Variants in VIPR2 observed in about 807,000 individuals in gnomAD.
The protein encoded by VIPR2 is vasoactive intestinal polypeptide receptor 2.
In VIPR2, 48 loss-of-function variants were observed where a neutral mutation model predicts 58.0. The ratio of observed to expected loss-of-function variants is 0.83; its 90% CI spans 0.66 to 1.05. The LOEUF (loss-of-function observed/expected upper bound fraction) is 1.05. VIPR2 is among the 50% of genes least tolerant of loss of function. The pLI is 0.00. For missense variants in VIPR2, 534 were observed against 558.0 expected (o/e 0.96, Z 0.43); for synonymous variants, 243 against 235.2 (o/e 1.03, Z -0.30).
chr7:159,125,443 T>C (rs1350012475), intron 2 of VIPR2, among the ~76,000 whole-genome samples: 2 of 152,198 alleles, frequency 1.3e-5, no homozygotes, highest in African/African-American at 4.8e-5. Flanking sequence ...ACTGGACCAG[T>C]GGGTGCCCAG....
At position 159,140,207 on chromosome 7, in the gene VIPR2, T is replaced by C. The variant is rs1169089041; in HGVS notation, c.151+2239A>G. On this transcript the variant is annotated intron_variant, in intron 2 of 12. Transcript: ENST00000262178. ...CATTTCTGGCACTCTTTCACACAAA[T>C]TTCTTAATCGTATGGATTTAAAAGT... Among the ~76,000 whole-genome samples, 3 of 152,180 alleles carry C rather than the reference T, an allele frequency of 2.0e-5. No homozygotes were observed. The East Asian group carries it at 5.8e-4, about 29-fold the overall frequency.
At chr7:159,036,314 C>T (rs148503912) in intron 7 of VIPR2, among the ~76,000 whole-genome samples, 61 of 152,188 alleles carry the variant, frequency 4.0e-4, no homozygotes, top group South Asian at 1.0e-3. Flanking sequence ...CTGATTTTTG[C>T]GACCACCCAC....
At chr7:159,060,951 C>T (rs1855611257) in intron 4 of VIPR2, among the ~76,000 whole-genome samples, 1 of 152,188 alleles carries the variant, frequency 6.6e-6, no homozygotes, top group African/African-American at 2.4e-5. Flanking sequence ...CCATCAACAG[C>T]CCTATTCACA....
At chr7:159,047,209 G>A (rs115897256) in intron 5 of VIPR2, among the ~76,000 whole-genome samples, 2 of 152,138 alleles carry the variant, frequency 1.3e-5, no homozygotes, top group African/African-American at 2.4e-5. Flanking sequence ...GTGCCATTAC[G>A]CTCCAGGCTG....
intron 1 of VIPR2, chr7:159,144,423 TCGTTGACGCGTCCAGGAAGAAACGATCC>T (rs1797606164): frequency 1.3e-6 from 2 of 1,546,976 alleles, no homozygotes; most frequent in Admixed American, 2.0e-5. Context: ...AACGAGCTCA[TCGTTGACGCGTCCAGGAAGAAACGATCC>T]CGTTTCCAGC....
chr7:159,131,656 T>C (rs147064176), intron 2 of VIPR2, among the ~76,000 whole-genome samples: 1 of 152,316 alleles, frequency 6.6e-6, no homozygotes, highest in East Asian at 1.9e-4. Context: ...GTGACTCACA[T>C]TTTTTCTGAA....
At chr7:159,144,097 G>A (rs1224476537) in intron 1 of VIPR2, among the ~76,000 whole-genome samples, 3 of 152,232 alleles carry the variant, frequency 2.0e-5, no homozygotes, top group South Asian at 2.1e-4. Context: ...CAAGAAACAA[G>A]GCTCGGGTTT....
intron 2 of VIPR2, among the ~76,000 whole-genome samples, chr7:159,111,513 C>G (rs1271733194): frequency 6.6e-6 from 1 of 151,858 alleles, no homozygotes; most frequent in Non-Finnish European, 1.5e-5. Context: ...AACCCCGTCT[C>G]TACTAAAAAT....
At position 159,097,017 on chromosome 7, in the gene VIPR2, T is replaced by G; in HGVS notation, c.357+6740A>C. On this transcript the variant is annotated intron_variant, in intron 4 of 12. Coordinates refer to ENST00000262178, the MANE Select transcript of VIPR2 (RefSeq NM_003382.5). This position sits in a 1 kb window ranked among gnomAD's most constrained non-coding sequence, Gnocchi z 5.3. ...TCAGAAAAGCTGCTGCTCTCAGAGG[T>G]GATTTGGGGCAGGCCGCTCTGGGGG... 1 of 1,550,000 alleles carries G rather than the reference T, an allele frequency of 6.5e-7. No homozygotes were observed. The highest frequency in any genetic ancestry group is 8.7e-7 in the Non-Finnish European group (1 of 1,146,694).
chr7:159,096,379 G>T lies in VIPR2; in HGVS notation c.357+7378C>A, dbSNP rs1007534293. On this transcript the variant is annotated intron_variant, in intron 4 of 12. Transcript: ENST00000262178. This position sits in a 1 kb window ranked among gnomAD's most constrained non-coding sequence, Gnocchi z 5.5. ...CATGCCCAGAAGCGCCTGGCGCACC[G>T]CTGTGTTTCCTACAGGTCCGCTGCC... 2.6e-5 allele frequency among the ~76,000 whole-genome samples: 4 copies of T among 152,186 alleles called. No individual in the cohort carries two copies. Among genetic ancestry groups the T allele is most frequent in the African/African-American group, 2.4e-5 (1 of 41,462 alleles).
chr7:159,067,317 G>A (rs1234375907), intron 4 of VIPR2, among the ~76,000 whole-genome samples: 1 of 152,226 alleles, frequency 6.6e-6, no homozygotes, highest in Non-Finnish European at 1.5e-5. Context: ...CCTCTGCTGT[G>A]CAGCTATAGG....
At chr7:159,061,075 T>G (rs1563284350) in intron 4 of VIPR2, among the ~76,000 whole-genome samples, 1 of 152,164 alleles carries the variant, frequency 6.6e-6, no homozygotes, top group Non-Finnish European at 1.5e-5. Flanking sequence ...TCACGTCCTT[T>G]GAAGCACCAT....
rs1308277900 is a variant in VIPR2 at position 159,127,345 on chromosome 7, G to A, written c.151+15101C>T. Among the ~76,000 whole-genome samples the A allele has an allele frequency of 6.6e-6, 1 of 152,144 alleles. No individual in the cohort carries two copies. The highest frequency in any genetic ancestry group is 1.5e-5 in the Non-Finnish European group (1 of 68,024). On this transcript the variant is annotated intron_variant, in intron 2 of 12. Transcript: ENST00000262178. This position sits in a 1 kb window ranked among gnomAD's most constrained non-coding sequence, Gnocchi z 4.6. Reference sequence around the variant, plus strand: ...GGGGTTCAGGTGGATTCCACAGGCGGGGGCCACATTCTGGTACCTGAACAA... The same window carrying A: ...GGGGTTCAGGTGGATTCCACAGGCGAGGGCCACATTCTGGTACCTGAACAA...
Position 159,103,740 on chromosome 7 carries a change from A to G in VIPR2, c.357+17T>C. 6.2e-7 allele frequency: 1 copy of G among 1,606,930 alleles called. No individual in the cohort carries two copies. On this transcript the variant is annotated intron_variant, in intron 4 of 12. Transcript: ENST00000262178. ...GGAAGTGGAACCTCACCACCGTAGC[A>G]CCACGCAGGAGCCTACCTTGCTCTC... is the stretch of plus-strand genomic sequence containing the variant.
chr7:159,034,918 C>T (rs758039896), intron 8 of VIPR2, among the ~76,000 whole-genome samples: 1 of 152,152 alleles, frequency 6.6e-6, no homozygotes. Flanking sequence ...CTGACGCCCT[C>T]CACTCTGAGC....
At chr7:159,063,657 G>C (rs1408173500) in intron 4 of VIPR2, among the ~76,000 whole-genome samples, 3 of 150,652 alleles carry the variant, frequency 2.0e-5, no homozygotes, top group Admixed American at 2.0e-4. Flanking sequence ...AAGAGCGAGC[G>C]AGGGCTGCCA....
At chr7:159,058,125 G>A (rs938465802) in intron 5 of VIPR2, among the ~76,000 whole-genome samples, 2 of 152,104 alleles carry the variant, frequency 1.3e-5, no homozygotes, top group East Asian at 1.9e-4. Context: ...TCTTAAACAC[G>A]TCGTAGCATC....
At chr7:159,067,298 A>G (rs1170113689) in intron 4 of VIPR2, among the ~76,000 whole-genome samples, 1 of 152,228 alleles carries the variant, frequency 6.6e-6, no homozygotes, top group African/African-American at 2.4e-5. Context: ...ACCCATTTGA[A>G]AGTCATCACC....
chr7:159,056,391 G>A (rs1213663263), intron 5 of VIPR2, among the ~76,000 whole-genome samples: 1 of 152,192 alleles, frequency 6.6e-6, no homozygotes, highest in Non-Finnish European at 1.5e-5. Context: ...CATCAATACA[G>A]AGGGCTGACT....
Sources: gnomAD v4.1 joint callset for allele counts (sites outside exome capture counted in the v4.1 genomes callset) on GRCh38, gnomAD v4.1.1 for gene constraint, Gnocchi (gnomAD v3.1) non-coding constraint, MANE v1.5 for transcripts, NCBI Gene and HGNC (gene_info 2026-07-23, HGNC 2026-07-21) for gene names.